Variants in SNAP91 observed in about 807,000 individuals in gnomAD.
The protein encoded by SNAP91 is synaptosome associated protein 91, also known as clathrin coat assembly protein AP180.
SNAP91 carries 27 observed loss-of-function variants against 100.3 expected under a neutral mutation model. That is an observed-to-expected ratio of 0.27 (90% CI 0.20 to 0.37). The LOEUF is 0.37. Ranked by LOEUF, SNAP91 falls within the 10% of genes least tolerant of loss-of-function variation. SNAP91 has a pLI of 1.00. For synonymous variants in SNAP91, 404 were observed against 398.6 expected (o/e 1.01, Z -0.16); for missense variants, 986 against 1,123.7 (o/e 0.88, Z 1.75).
Position 83,708,067 on chromosome 6 carries a change from C to T in SNAP91, c.-30-110G>A. 13 of 900,028 alleles carry T rather than the reference C, an allele frequency of 1.4e-5. 1 individual carries two copies. Among genetic ancestry groups the T allele is most frequent in the Non-Finnish European group, 2.0e-5 (13 of 638,628 alleles). The allele number at this position is 900,028 out of a possible 1,614,324, so 55.8% of individuals were successfully genotyped here. A position where few individuals can be genotyped will look rare whatever the true frequency, so the allele number is the denominator to read the frequency against. On this transcript the variant is annotated intron_variant, in intron 1 of 29. Coordinates refer to ENST00000369694, the MANE Select transcript of SNAP91 (RefSeq NM_001242792.2). ...CGGCGGCTCTCTCCTCCTCCATCCCCACCCTGGCACCACCTCTCGGAGCCA... is the reference window on the plus strand; with the variant it reads ...CGGCGGCTCTCTCCTCCTCCATCCCTACCCTGGCACCACCTCTCGGAGCCA...
intron 2 of SNAP91, chr6:83,690,276 C>T: frequency 8.5e-7 from 1 of 1,175,486 alleles, no homozygotes; most frequent in Non-Finnish European, 1.1e-6. Context: ...ATACTGTGAT[C>T]CAAAACAAAT....
intron 2 of SNAP91, among the ~76,000 whole-genome samples, chr6:83,695,505 T>C (rs529395256): frequency 8.1e-4 from 124 of 152,250 alleles, no homozygotes; most frequent in African/African-American, 2.8e-3. Context: ...CCTATATACA[T>C]TGATGCAACA....
chr6:83,686,299 T>C (rs1050092607), intron 2 of SNAP91: 13 of 462,896 alleles, frequency 2.8e-5, no homozygotes, highest in Non-Finnish European at 3.4e-5. Context: ...TTTGGTGACA[T>C]GGAATGCTCA....
rs373600855 is a variant in SNAP91, at chr6:83,637,119, G to A, written c.765+3977C>T. Among the ~76,000 whole-genome samples the A allele has an allele frequency of 9.2e-5, 14 of 152,326 alleles. No homozygotes were observed. In the East Asian group the frequency reaches 1.2e-3, roughly 13 times the overall value. On this transcript the variant is annotated intron_variant, in intron 8 of 29. Transcript: ENST00000369694. ...CCAGACACCTCTTATTTTTCAGTGC[G>A]TATGTGGCAGTGCTCTGGGGAGGGG...
chr6:83,645,481 A>G (rs2097879381), intron 7 of SNAP91, among the ~76,000 whole-genome samples: 1 of 152,120 alleles, frequency 6.6e-6, no homozygotes, highest in Non-Finnish European at 1.5e-5. Context: ...GGTGTTGTAC[A>G]TTCTATGGGT....
intron 11 of SNAP91, 123 bp downstream of exon 11, chr6:83,614,733 AG>A: frequency 1.6e-6 from 1 of 642,914 alleles, no homozygotes; most frequent in East Asian, 2.8e-5. Flanking sequence ...GAAAAAACAC[AG>A]ATGTGTAAAA....
chr6:83,623,095 T>C (rs1386513704), intron 9 of SNAP91, among the ~76,000 whole-genome samples: 3 of 152,150 alleles, frequency 2.0e-5, no homozygotes, highest in Non-Finnish European at 4.4e-5. Flanking sequence ...GAAGAAACTA[T>C]ATCATAAGAA....
chr6:83,616,310 A>G (rs914520342), intron 10 of SNAP91, among the ~76,000 whole-genome samples: 1 of 152,134 alleles, frequency 6.6e-6, no homozygotes, highest in African/African-American at 2.4e-5. Flanking sequence ...TGAATAGACA[A>G]GTTTCAGACC....
chr6:83,632,947 T>C (rs2097270281), intron 8 of SNAP91, among the ~76,000 whole-genome samples: 1 of 152,208 alleles, frequency 6.6e-6, no homozygotes, highest in Non-Finnish European at 1.5e-5. Flanking sequence ...TTTTGGAGGA[T>C]TTAAAGAACC....
At chr6:83,572,322 C>T (rs1809572614) in intron 26 of SNAP91, among the ~76,000 whole-genome samples, 1 of 152,208 alleles carries the variant, frequency 6.6e-6, no homozygotes, top group Non-Finnish European at 1.5e-5. Context: ...TCTCGGCTCA[C>T]TGCAACCTCC....
chr6:83,592,036 T>C (rs2093828388), intron 21 of SNAP91, among the ~76,000 whole-genome samples: 1 of 152,358 alleles, frequency 6.6e-6, no homozygotes, highest in Middle Eastern at 3.4e-3. Context: ...AGACTTATGC[T>C]TTCAGTTTTA....
intron 2 of SNAP91, among the ~76,000 whole-genome samples, chr6:83,682,079 G>A (rs191244773): frequency 8.6e-5 from 13 of 151,778 alleles, no homozygotes; most frequent in African/African-American, 2.9e-4. Flanking sequence ...GAGAAAAAAA[G>A]AGTCCTTCCT....
At chr6:83,560,279 T>A (rs1785066842) in intron 27 of SNAP91, 71 bp from the exon 28 acceptor site, 2 of 1,036,514 alleles carry the variant, frequency 1.9e-6, no homozygotes, top group Non-Finnish European at 2.9e-6. Context: ...TGACATTTAT[T>A]GCTTTTATGT....
chr6:83,688,482 C>T (rs2099089497), intron 2 of SNAP91, among the ~76,000 whole-genome samples: 1 of 151,276 alleles, frequency 6.6e-6, no homozygotes, highest in African/African-American at 2.4e-5. Context: ...CTATTTGTCC[C>T]TCAATACTCA....
At chr6:83,607,852 T>C in intron 12 of SNAP91, 44 bp from the exon 13 acceptor site, 1 of 1,242,024 alleles carries the variant, frequency 8.1e-7, no homozygotes, top group Non-Finnish European at 1.1e-6. Flanking sequence ...AATATGAATC[T>C]ACAGGACACA....
chr6:83,601,726 A>G, intron 14 of SNAP91, 127 bp from the exon 15 acceptor site: 1 of 815,502 alleles, frequency 1.2e-6, no homozygotes, highest in Non-Finnish European at 2.1e-6. Flanking sequence ...TGTCTTCTAC[A>G]CCATTTGCAA....
intron 16 of SNAP91, among the ~76,000 whole-genome samples, chr6:83,595,197 TAA>T (rs1284062969): frequency 6.6e-6 from 1 of 152,176 alleles, no homozygotes; most frequent in African/African-American, 2.4e-5. Flanking sequence ...TCCTAAGTGT[TAA>T]GTCTTCACTA....
chr6:83,698,218 A>G (rs928917304), intron 2 of SNAP91, among the ~76,000 whole-genome samples: 2 of 151,976 alleles, frequency 1.3e-5, no homozygotes, highest in African/African-American at 4.8e-5. Context: ...CATCTAGCAT[A>G]CAGGTGGACT....
chr6:83,608,744 G>A (rs150140100), intron 12 of SNAP91, among the ~76,000 whole-genome samples: 2,184 of 152,094 alleles, frequency 0.014, 44 homozygotes, highest in African/African-American at 0.05. Flanking sequence ...GAAATTTACA[G>A]ACTTAAATAT....
Sources: gnomAD v4.1 joint callset for allele counts (sites outside exome capture counted in the v4.1 genomes callset) on GRCh38, gnomAD v4.1.1 for gene constraint, MANE v1.5 for transcripts, NCBI Gene and HGNC (gene_info 2026-07-23, HGNC 2026-07-21) for gene names.